ATP11C: variants seen among roughly 807,000 people sequenced by gnomAD.
ATP11C encodes the protein phospholipid-transporting ATPase IG.
A neutral mutation model predicts 97.4 loss-of-function variants in ATP11C; 36 were observed. The observed-to-expected ratio is 0.37, with a 90% confidence interval of 0.28 to 0.49. The LOEUF is 0.49. Ranked by LOEUF, ATP11C falls within the 20% of genes least tolerant of loss-of-function variation. The pLI, the probability that ATP11C is intolerant of heterozygous loss-of-function variation, is 0.98. For missense variants in ATP11C, 730 were observed against 824.6 expected, an observed-to-expected ratio of 0.89 and a Z score of 1.40; for synonymous variants, 275 against 290.9, an observed-to-expected ratio of 0.95 and a Z score of 0.56.
intron 1 of ATP11C, among the ~76,000 whole-genome samples, chrX:139,859,766 A>T (rs1700805645): frequency 8.9e-6 from 1 of 112,456 alleles, no homozygotes; most frequent in African/African-American, 3.2e-5. Flanking sequence ...CCAGAAGGGT[A>T]TATAAATGCC....
chrX:139,801,239 C>T (rs2082921423), intron 7 of ATP11C, among the ~76,000 whole-genome samples: 1 of 112,325 alleles, frequency 8.9e-6, no homozygotes, highest in Non-Finnish European at 1.9e-5. Context: ...ATTCCATAGA[C>T]CTTACACTCA....
chrX:139,746,724 C>T, intron 24 of ATP11C, among the ~76,000 whole-genome samples: 1 of 111,485 alleles, frequency 9.0e-6, no homozygotes, highest in Middle Eastern at 4.6e-3. Context: ...ATAGCACAAC[C>T]TTCTCAGCCT....
intron 19 of ATP11C, among the ~76,000 whole-genome samples, chrX:139,774,464 C>T (rs2082311231): frequency 8.9e-6 from 1 of 112,153 alleles, no homozygotes; most frequent in South Asian, 3.7e-4. Context: ...TTTTCTAAAC[C>T]TTCCGAAATG....
chrX:139,878,880 G>GGGGGA (rs2084519359), intron 1 of ATP11C, among the ~76,000 whole-genome samples: 1 of 109,808 alleles, frequency 9.1e-6, no homozygotes, highest in South Asian at 4.0e-4. Context: ...ACAGAGACTA[G>GGGGGA]GGGGAGGGGA....
At chrX:139,758,068 C>T (rs1023837461) in intron 22 of ATP11C, among the ~76,000 whole-genome samples, 1 of 111,818 alleles carries the variant, frequency 8.9e-6, no homozygotes, top group Admixed American at 9.5e-5. Context: ...TTTGCCCTAT[C>T]AAGGCAGAAG....
intron 20 of ATP11C, among the ~76,000 whole-genome samples, chrX:139,765,157 A>G (rs2148678183): frequency 9.0e-6 from 1 of 111,612 alleles, no homozygotes; most frequent in East Asian, 2.8e-4. Context: ...TTAGATTCGT[A>G]AACATGGACT....
intron 1 of ATP11C, among the ~76,000 whole-genome samples, chrX:139,910,310 A>T (rs906891140): frequency 9.0e-6 from 1 of 111,418 alleles, no homozygotes; most frequent in Admixed American, 9.6e-5. Flanking sequence ...TATTAAAAGG[A>T]GATGACAGAA....
intron 28 of ATP11C, among the ~76,000 whole-genome samples, chrX:139,733,376 C>G (rs184536277): frequency 1.3e-3 from 146 of 112,199 alleles, no homozygotes; most frequent in Middle Eastern, 4.6e-3. Flanking sequence ...TTGAACAACT[C>G]TGCTAATAAA....
chrX:139,774,776 C>A lies in ATP11C; in HGVS notation c.2130G>T (p.Arg710Ser). 2.5e-6 allele frequency: 3 copies of A among 1,211,498 alleles called. No individual in the cohort carries two copies. In the Middle Eastern group the frequency reaches 6.9e-4, roughly 279 times the overall value. Residue 710 changes from arginine (R) to serine (S), a missense_variant, in exon 19 of 30, where the codon AGG becomes AGT. Transcript: ENST00000682941. ...LTTKTIEESE[R>S]KEDRLHELLI... ...ATAATTCATGTAATCGATCTTCTTT[C>A]CTTTCACTTTCTTCAATGGTTTTTG...
At chrX:139,880,319 T>C (rs777820916) in intron 1 of ATP11C, among the ~76,000 whole-genome samples, 10 of 111,879 alleles carry the variant, frequency 8.9e-5, no homozygotes, top group Non-Finnish European at 1.9e-4. Context: ...ATTTCAGATT[T>C]GGACATAGTG....
At position 139,731,635 on chromosome X, in the gene ATP11C, G is replaced by C. The variant is rs375104383; in HGVS notation, c.*3+16C>G. On this transcript the variant is annotated intron_variant, in intron 29 of 29. Coordinates refer to ENST00000682941, the MANE Select transcript of ATP11C (RefSeq NM_001353812.2). ...CCGATTTTTTAAAGCCAGCCCATTTGTTTAACACTAGGTACCTGTTACAAT... is the reference window on the plus strand; with the variant it reads ...CCGATTTTTTAAAGCCAGCCCATTTCTTTAACACTAGGTACCTGTTACAAT... 2 of 1,082,083 alleles carry C rather than the reference G, an allele frequency of 1.8e-6. No homozygotes were observed. The highest frequency in any genetic ancestry group is 2.5e-6 in the Non-Finnish European group (2 of 799,780). 89.2% of individuals were successfully genotyped at this position (1,082,083 alleles called of 1,213,427 possible).
At chrX:139,828,684 G>A (rs1193777474) in intron 1 of ATP11C, among the ~76,000 whole-genome samples, 1 of 112,008 alleles carries the variant, frequency 8.9e-6, no homozygotes, top group Admixed American at 9.5e-5. Flanking sequence ...ATGAGGCAGG[G>A]TTACCTTTTA....
At chrX:139,829,620 G>C (rs943819704) in intron 1 of ATP11C, among the ~76,000 whole-genome samples, 1 of 111,284 alleles carries the variant, frequency 9.0e-6, no homozygotes, top group Admixed American at 9.5e-5. Context: ...GTGCTGAACT[G>C]CTTCCCATTC....
chrX:139,871,999 A>ATCATTAGGTAAAAAAGGATCT (rs1185556888), intron 1 of ATP11C, among the ~76,000 whole-genome samples: 1 of 111,433 alleles, frequency 9.0e-6, no homozygotes, highest in Non-Finnish European at 1.9e-5. Context: ...TACTGATTTT[A>ATCATTAGGTAAAAAAGGATCT]TCATTAGGTA....
At chrX:139,930,403 GATTTT>G (rs2085415087) in intron 1 of ATP11C, among the ~76,000 whole-genome samples, 1 of 108,552 alleles carries the variant, frequency 9.2e-6, no homozygotes, top group Admixed American at 9.9e-5. Flanking sequence ...TAAGTTTAAT[GATTTT>G]ATTATGATTC....
chrX:139,866,411 A>T (rs2084288740), intron 1 of ATP11C, among the ~76,000 whole-genome samples: 1 of 106,596 alleles, frequency 9.4e-6, no homozygotes, highest in African/African-American at 3.4e-5. Flanking sequence ...CCTGCCCATG[A>T]TCACACAGAT....
chrX:139,909,800 G>A (rs1040435648), intron 1 of ATP11C: 4 of 111,786 alleles, frequency 3.6e-5, no homozygotes, highest in Admixed American at 9.6e-5. Flanking sequence ...GAAACTCTAG[G>A]ATACTACAGA....
intron 5 of ATP11C, among the ~76,000 whole-genome samples, chrX:139,810,947 T>C (rs1324821262): frequency 9.1e-6 from 1 of 110,206 alleles, no homozygotes; most frequent in East Asian, 2.8e-4. Flanking sequence ...TAGCATTATG[T>C]GGCATGACTA....
Position 139,768,323 on chromosome X carries a change from T to C in ATP11C, c.2328A>G (p.Leu776=), listed in dbSNP as rs1438841522. The C allele has an allele frequency of 8.4e-7, 1 of 1,191,332 alleles. No homozygotes were observed. Among genetic ancestry groups the C allele is most frequent in the East Asian group, 3.0e-5 (1 of 33,453 alleles). ...CTGCAGTACACTTCATACATATTTGTAGGAAAATGCTTTTGTAATTGTTTG... is the reference window on the plus strand; with the variant it reads ...CTGCAGTACACTTCATACATATTTGCAGGAAAATGCTTTTGTAATTGTTTG... The part of the protein sequence containing the change: ...SSSNNYKSIF[L]QICMKCTAVL... Residue 776 remains leucine (L), a synonymous_variant, in exon 20 of 30, where the codon CTA becomes CTG. Transcript: ENST00000682941.
Sources: allele counts gnomAD v4.1 joint callset (sites outside exome capture counted in the v4.1 genomes callset), GRCh38; gene constraint gnomAD v4.1.1; transcripts MANE v1.5; gene names NCBI Gene and HGNC (gene_info 2026-07-23, HGNC 2026-07-21).